Variants in SLC22A4 observed in about 807,000 individuals in gnomAD.
SLC22A4 encodes the protein ET transporter.
A neutral mutation model predicts 56.6 loss-of-function variants in SLC22A4; 39 were observed. The observed-to-expected ratio is 0.69, with a 90% CI of 0.53 to 0.90. The LOEUF (loss-of-function observed/expected upper bound fraction) is 0.90. Among genes scored for constraint, SLC22A4 ranks in the 40% least tolerant of loss-of-function variants. SLC22A4 has a pLI of 0.00. For synonymous variants in SLC22A4, 241 were observed against 281.4 expected (o/e 0.86, Z 1.44); for missense variants, 594 against 696.5 (o/e 0.85, Z 1.66).
At chr5:132,322,019 G>A (rs1037940686) in intron 3 of SLC22A4, among the ~76,000 whole-genome samples, 165 bp from the exon 4 acceptor site, 2 of 152,068 alleles carry the variant, frequency 1.3e-5, no homozygotes, top group South Asian at 2.1e-4. Flanking sequence ...CTTGGATCAC[G>A]TCCCACCTTC....
intron 1 of SLC22A4, among the ~76,000 whole-genome samples, chr5:132,303,123 C>T (rs1749942877): frequency 6.6e-6 from 1 of 152,092 alleles, no homozygotes; most frequent in African/African-American, 2.4e-5. Context: ...AAAAAGACAA[C>T]CTGATTTAAA....
At chr5:132,337,303 G>T (rs1030157836) in intron 8 of SLC22A4, among the ~76,000 whole-genome samples, 1 of 139,906 alleles carries the variant, frequency 7.1e-6, no homozygotes, top group Non-Finnish European at 1.5e-5. Flanking sequence ...CTGAGACAGG[G>T]TCTCACTCTG....
chr5:132,328,840 C>T lies in SLC22A4; in HGVS notation c.951+1437C>T, dbSNP rs868379302. Among the ~76,000 whole-genome samples, 216 of 122,292 alleles carry T rather than the reference C, an allele frequency of 1.8e-3. 1 individual carries two copies. Among genetic ancestry groups the T allele is most frequent in the East Asian group, 5.6e-3 (15 of 2,656 alleles). 80.2% of individuals were successfully genotyped at this position (122,292 alleles called of 152,430 possible). ...CAGTGCCTTTATATATATATATATA[C>T]ACACACACACACACACACACACACA... On this transcript the variant is annotated intron_variant, in intron 5 of 9. Transcript: ENST00000200652.
chr5:132,314,461 A>G (rs976584526), intron 3 of SLC22A4, among the ~76,000 whole-genome samples: 1 of 152,138 alleles, frequency 6.6e-6, no homozygotes, highest in African/African-American at 2.4e-5. Context: ...CAGGAGTGAG[A>G]GAGTGTGTTC....
intron 6 of SLC22A4, among the ~76,000 whole-genome samples, chr5:132,333,875 A>G (rs1209680634): frequency 1.3e-5 from 2 of 151,974 alleles, no homozygotes; most frequent in Admixed American, 6.6e-5. Flanking sequence ...GTGCGATCTC[A>G]GCTCACTGCA....
intron 4 of SLC22A4, 52 bp from the exon 5 acceptor site, chr5:132,327,225 T>A: frequency 7.3e-7 from 1 of 1,376,936 alleles, no homozygotes; most frequent in Non-Finnish European, 9.9e-7. Context: ...GATTTAATAG[T>A]ATCCAGCCCT....
At chr5:132,302,066 CT>C (rs1749919065) in intron 1 of SLC22A4, among the ~76,000 whole-genome samples, 1 of 152,230 alleles carries the variant, frequency 6.6e-6, no homozygotes, top group African/African-American at 2.4e-5. Context: ...GACTCAGGGG[CT>C]TCCCCTTGCT....
chr5:132,297,674 GA>G (rs112170735), intron 1 of SLC22A4, among the ~76,000 whole-genome samples: 84 of 146,378 alleles, frequency 5.7e-4, no homozygotes, highest in African/African-American at 9.4e-4. Context: ...ACTACAAAAA[GA>G]AAAAAAAAAC....
intron 1 of SLC22A4, among the ~76,000 whole-genome samples, chr5:132,295,861 C>T (rs1749766836): frequency 6.6e-6 from 1 of 152,244 alleles, no homozygotes; most frequent in Non-Finnish European, 1.5e-5. Flanking sequence ...GCCTCATGCT[C>T]CTCCCAAGAA....
chr5:132,320,985 G>A (rs1311205171), intron 3 of SLC22A4: 3 of 152,210 alleles, frequency 2.0e-5, no homozygotes, highest in Non-Finnish European at 2.9e-5. Flanking sequence ...CCAGAGCTCC[G>A]TGACAAGAGA....
At chr5:132,312,755 T>C (rs1389458601) in intron 2 of SLC22A4, among the ~76,000 whole-genome samples, 1 of 152,164 alleles carries the variant, frequency 6.6e-6, no homozygotes, top group African/African-American at 2.4e-5. Flanking sequence ...CTGACCCTCA[T>C]AGAGCTTACA....
chr5:132,328,903 G>GTATATATATATATATATATA (rs753290785), intron 5 of SLC22A4, among the ~76,000 whole-genome samples: 1 of 96,446 alleles, frequency 1.0e-5, no homozygotes, highest in African/African-American at 4.9e-5. Context: ...GTGTGTATGT[G>GTATATATATATATATATATA]TATATATATA....
intron 1 of SLC22A4, among the ~76,000 whole-genome samples, chr5:132,306,387 ATATATATAT>A (rs1561535728): frequency 1.9e-4 from 4 of 21,160 alleles, no homozygotes; most frequent in African/African-American, 1.0e-3. Flanking sequence ...ACCGTGAAAT[ATATATATAT>A]ATATATATAT....
chr5:132,310,669 C>T (rs1043714524), intron 1 of SLC22A4, among the ~76,000 whole-genome samples: 1 of 152,168 alleles, frequency 6.6e-6, no homozygotes, highest in South Asian at 2.1e-4. Flanking sequence ...CTGTGACAGG[C>T]GGCCTCATGA....
intron 5 of SLC22A4, 33 bp downstream of exon 5, chr5:132,327,436 A>G: frequency 6.3e-7 from 1 of 1,587,854 alleles, no homozygotes; most frequent in Non-Finnish European, 8.6e-7. Flanking sequence ...TCTTGAGATC[A>G]GCTATGCATT....
intron 3 of SLC22A4, among the ~76,000 whole-genome samples, chr5:132,316,485 A>G (rs1471049081): frequency 2.0e-5 from 3 of 152,186 alleles, no homozygotes; most frequent in African/African-American, 7.2e-5. Flanking sequence ...TTCTGGGTAG[A>G]ATGCCATCAG....
chr5:132,343,919 T>G lies in SLC22A4; in HGVS notation c.*84T>G. 2.4e-6 allele frequency: 2 copies of G among 823,826 alleles called. No individual in the cohort carries two copies. The highest frequency in any genetic ancestry group is 4.1e-6 in the Non-Finnish European group (2 of 489,782). The allele number at this position is 823,826 out of a possible 1,614,324, so 51.0% of individuals were successfully genotyped here. On this transcript the variant is annotated 3_prime_UTR_variant, in exon 10 of 10. Transcript: ENST00000200652. ...ATTCGTTGTTCCCACTGAAATGGACTGACTGTAACGATTGACACCAAAATG... is the reference window on the plus strand; with the variant it reads ...ATTCGTTGTTCCCACTGAAATGGACGGACTGTAACGATTGACACCAAAATG...
At chr5:132,314,376 GGTCC>G (rs1428299797) in intron 3 of SLC22A4, among the ~76,000 whole-genome samples, 3 of 152,222 alleles carry the variant, frequency 2.0e-5, no homozygotes, top group African/African-American at 7.2e-5. Flanking sequence ...GTCATGAAGA[GGTCC>G]CTGGGGCCCT....
intron 8 of SLC22A4, among the ~76,000 whole-genome samples, chr5:132,338,288 C>T (rs1375296820): frequency 3.3e-5 from 5 of 151,920 alleles, no homozygotes; most frequent in African/African-American, 4.8e-5. Flanking sequence ...AGGGAGTGTA[C>T]GAATAGGGTG....
Sources: allele counts gnomAD v4.1 joint callset (sites outside exome capture counted in the v4.1 genomes callset), GRCh38; gene constraint gnomAD v4.1.1; transcripts MANE v1.5; gene names NCBI Gene and HGNC (gene_info 2026-07-23, HGNC 2026-07-21).